DCDC1: variants seen among roughly 807,000 people sequenced by gnomAD.
DCDC1 encodes doublecortin domain containing 1.
Under a neutral mutation model 178.3 loss-of-function variants are expected in DCDC1, and 200 were observed. The ratio of observed to expected loss-of-function variants is 1.12; its 90% CI spans 1.00 to 1.26. The LOEUF is 1.26. Ranked by LOEUF, DCDC1 falls within the 50% of genes most tolerant of loss-of-function variation. The pLI, the probability that DCDC1 is intolerant of heterozygous loss-of-function variation, is 0.00. For missense variants in DCDC1, 1,983 were observed against 1,749.2 expected (o/e 1.13, Z -2.38); for synonymous variants, 690 against 604.8 (o/e 1.14, Z -2.07).
chr11:31,026,284 A>G (rs1435096576), intron 20 of DCDC1, among the ~76,000 whole-genome samples: 1 of 151,746 alleles, frequency 6.6e-6, no homozygotes, highest in East Asian at 1.9e-4. Context: ...AGAATACATG[A>G]CACCGTACCT....
At chr11:31,175,347 GC>G (rs1324337655) in intron 9 of DCDC1, among the ~76,000 whole-genome samples, 5 of 152,186 alleles carry the variant, frequency 3.3e-5, no homozygotes, top group African/African-American at 1.2e-4. Flanking sequence ...CAAAGCCTAG[GC>G]CAGATGAAAG....
At chr11:31,003,926 G>C (rs545090109) in intron 20 of DCDC1, among the ~76,000 whole-genome samples, 33 of 152,234 alleles carry the variant, frequency 2.2e-4, no homozygotes, top group African/African-American at 7.2e-4. Context: ...CTACAAATTA[G>C]GTATGTTGAC....
chr11:31,179,801 G>C (rs1241166085), intron 9 of DCDC1, among the ~76,000 whole-genome samples: 1 of 152,088 alleles, frequency 6.6e-6, no homozygotes, highest in African/African-American at 2.4e-5. Flanking sequence ...CATTACCCTG[G>C]TTTCAAAACC....
At chr11:31,094,314 A>T in intron 15 of DCDC1, 130 bp from the exon 16 acceptor site, 1 of 623,294 alleles carries the variant, frequency 1.6e-6, no homozygotes, top group South Asian at 1.9e-5. Context: ...AAAAAGTAGC[A>T]TTCAATCCCC....
intron 15 of DCDC1, among the ~76,000 whole-genome samples, chr11:31,101,022 A>T (rs1958470348): frequency 6.6e-6 from 1 of 152,234 alleles, no homozygotes; most frequent in South Asian, 2.1e-4. Context: ...CACTATTTAG[A>T]TCCATATGCT....
At chr11:31,138,447 G>A (rs1347387000) in intron 9 of DCDC1, among the ~76,000 whole-genome samples, 3 of 152,136 alleles carry the variant, frequency 2.0e-5, no homozygotes, top group Non-Finnish European at 4.4e-5. Flanking sequence ...CAATTGTTAT[G>A]TTTTATATGA....
chr11:30,869,725 G>A (rs1941356406), intron 38 of DCDC1, among the ~76,000 whole-genome samples: 1 of 152,160 alleles, frequency 6.6e-6, no homozygotes, highest in Admixed American at 6.5e-5. Context: ...TGGGGAATGG[G>A]GAAAAGTTTA....
rs548698719 is a variant in DCDC1, at chr11:30,894,381, C to T, written c.4769G>A (p.Arg1590Gln). 71 of 1,607,780 alleles carry T rather than the reference C, an allele frequency of 4.4e-5. No individual in the cohort carries two copies. The highest frequency in any genetic ancestry group is 3.3e-4 in the Middle Eastern group (2 of 6,046). The change falls in exon 35 of 39, where the codon CGG becomes CAG. Residue 1590 changes from arginine to glutamine, a missense_variant. Physicochemically the swap from Arg to Gln is conservative, Grantham distance 43. Coordinates refer to ENST00000684477, the MANE Select transcript of DCDC1 (RefSeq NM_001387274.1). ...MRHKMRQLKG[R>Q]RVAACQPATM... ...GGCTGGCTGACATGCCGCTACTCGC[C>T]GCCCTGAGGAAACAAGTCTCTAGAA...
chr11:31,160,102 G>T (rs958643972), intron 9 of DCDC1, among the ~76,000 whole-genome samples: 1 of 152,008 alleles, frequency 6.6e-6, no homozygotes, highest in Non-Finnish European at 1.5e-5. Flanking sequence ...TTAGTCATTT[G>T]AGGCTTTCCT....
At position 30,983,377 on chromosome 11, in the gene DCDC1, G is replaced by A. The variant is rs146777299; in HGVS notation, c.2592-30809C>T. ...TTATACAGAGGAAACACAATATTGC[G>A]AAATGAAAAATCTTTGTGGTTAGGG... On this transcript the variant is annotated intron_variant, in intron 20 of 38. Transcript: ENST00000684477. Among the ~76,000 whole-genome samples, 35 of 152,238 alleles carry A rather than the reference G, an allele frequency of 2.3e-4. No individual in the cohort carries two copies. The South Asian group carries it at 4.4e-3, about 19-fold the overall frequency.
intron 7 of DCDC1, among the ~76,000 whole-genome samples, chr11:31,287,239 AC>A (rs1237491164): frequency 3.3e-5 from 5 of 151,922 alleles, no homozygotes; most frequent in Admixed American, 1.3e-4. Flanking sequence ...AAACAAACAA[AC>A]AAAAAAAAAC....
rs182204976 is a variant in DCDC1 at position 30,874,613 on chromosome 11, T to A, written c.*40+3931A>T. On this transcript the variant is annotated intron_variant, in intron 38 of 38. Transcript: ENST00000684477. ...CACTAACCTAGGAGCCCTGGGAAGTTCCCTCCTCTCCTCCACCTCTCTCCA... is the reference window on the plus strand; with the variant it reads ...CACTAACCTAGGAGCCCTGGGAAGTACCCTCCTCTCCTCCACCTCTCTCCA... Among the ~76,000 whole-genome samples, 20 of 152,136 alleles carry A rather than the reference T, an allele frequency of 1.3e-4. No individual in the cohort carries two copies. In the East Asian group the frequency reaches 3.1e-3, roughly 24 times the overall value.
chr11:31,134,489 C>T (rs1248425404), intron 10 of DCDC1, among the ~76,000 whole-genome samples: 1 of 152,176 alleles, frequency 6.6e-6, no homozygotes, highest in African/African-American at 2.4e-5. Context: ...GATGTTTTCA[C>T]CCAACCTTCC....
At chr11:31,302,404 C>T (rs192195271) in intron 6 of DCDC1, among the ~76,000 whole-genome samples, 1 of 152,090 alleles carries the variant, frequency 6.6e-6, no homozygotes, top group Admixed American at 6.6e-5. Flanking sequence ...ACTTAATATG[C>T]CTTTTCAAAC....
intron 21 of DCDC1, among the ~76,000 whole-genome samples, chr11:30,936,183 C>A (rs139145233): frequency 0.018 from 2,691 of 152,148 alleles, 83 homozygotes; most frequent in African/African-American, 0.062. Flanking sequence ...GAGGATATGG[C>A]CAGTATATAA....
Position 31,022,168 on chromosome 11 carries a change from C to T in DCDC1, c.2591+42301G>A, listed in dbSNP as rs1370822513. Among the ~76,000 whole-genome samples, 4 of 152,138 alleles carry T rather than the reference C, an allele frequency of 2.6e-5. No individual in the cohort carries two copies. The East Asian group carries it at 5.8e-4, about 22-fold the overall frequency. On this transcript the variant is annotated intron_variant, in intron 20 of 38. Coordinates refer to ENST00000684477, the MANE Select transcript of DCDC1 (RefSeq NM_001387274.1). ...TCTCACAGTTCTAGGGCCTACAAGT[C>T]CAAAATCAACGTGCCAGCAAGACCA...
At chr11:31,255,376 T>C (rs987480305) in intron 8 of DCDC1, among the ~76,000 whole-genome samples, 1 of 152,126 alleles carries the variant, frequency 6.6e-6, no homozygotes. Flanking sequence ...ACTCATCAAA[T>C]TGTTTTCCAA....
intron 21 of DCDC1, among the ~76,000 whole-genome samples, chr11:30,948,878 A>C (rs1397948952): frequency 6.6e-6 from 1 of 152,104 alleles, no homozygotes; most frequent in African/African-American, 2.4e-5. Context: ...AGACTTAAAC[A>C]TAAGACCTAA....
chr11:31,097,278 G>T (rs1276373671), intron 15 of DCDC1, among the ~76,000 whole-genome samples: 1 of 152,156 alleles, frequency 6.6e-6, no homozygotes, highest in African/African-American at 2.4e-5. Flanking sequence ...AATAAGAAAA[G>T]AACCACTTAT....
Sources: gnomAD v4.1 joint callset for allele counts (sites outside exome capture counted in the v4.1 genomes callset) on GRCh38, gnomAD v4.1.1 for gene constraint, MANE v1.5 for transcripts, NCBI Gene and HGNC (gene_info 2026-07-23, HGNC 2026-07-21) for gene names.